The following FAP variants were observed in gnomAD, a reference collection of about 807,000 sequenced individuals.
FAP encodes prolyl endopeptidase FAP.
A neutral mutation model predicts 126.5 loss-of-function variants in FAP; 110 were observed. That is an observed-to-expected ratio of 0.87 (90% confidence interval 0.74 to 1.02). The LOEUF (loss-of-function observed/expected upper bound fraction) is 1.02. Ranked by LOEUF, FAP falls within the 50% of genes least tolerant of loss-of-function variation. FAP has a pLI of 0.00. For missense variants in FAP, 919 were observed against 909.2 expected, an observed-to-expected ratio of 1.01 and a Z score of -0.14; for synonymous variants, 334 against 297.3, an observed-to-expected ratio of 1.12 and a Z score of -1.27.
intron 12 of FAP, 115 bp from the exon 13 acceptor site, chr2:162,203,260 G>A (rs1252347204): frequency 3.1e-6 from 2 of 636,972 alleles, no homozygotes; most frequent in Admixed American, 5.7e-5. Flanking sequence ...AGAATGTCTC[G>A]CCTCCTCTGT....
At chr2:162,189,235 C>T (rs1559766393) in intron 18 of FAP, 63 bp from the exon 19 acceptor site, 6 of 945,354 alleles carry the variant, frequency 6.3e-6, no homozygotes, top group Non-Finnish European at 9.7e-6. Flanking sequence ...CATTTATTGT[C>T]TTTAATAACA....
chr2:162,233,640 T>A (rs1454638658), intron 2 of FAP, among the ~76,000 whole-genome samples: 2 of 152,176 alleles, frequency 1.3e-5, no homozygotes, highest in Non-Finnish European at 2.9e-5. Context: ...AATATATATT[T>A]GCAAATATTT....
At chr2:162,243,205 T>C (rs1690423483) in intron 1 of FAP, 117 bp downstream of exon 1, 4 of 886,828 alleles carry the variant, frequency 4.5e-6, no homozygotes, top group African/African-American at 1.7e-5. Context: ...TCCCAACCCA[T>C]TGAGGAAGTA....
intron 2 of FAP, among the ~76,000 whole-genome samples, chr2:162,235,834 A>G (rs138059202): frequency 1.7e-3 from 262 of 152,148 alleles, no homozygotes; most frequent in African/African-American, 6.2e-3. Flanking sequence ...GAGCTGTAAC[A>G]CTCACTGTGA....
chr2:162,176,155 T>C (rs1240611283), intron 21 of FAP: 1 of 151,916 alleles, frequency 6.6e-6, no homozygotes, highest in Non-Finnish European at 1.5e-5. Context: ...TGAGTGACAG[T>C]GTGAGAAAGA....
At chr2:162,176,510 G>A (rs1687489861) in intron 21 of FAP, 1 of 152,094 alleles carries the variant, frequency 6.6e-6, no homozygotes, top group Admixed American at 6.6e-5. Flanking sequence ...TATTGCAAGT[G>A]AAAATTCTCT....
chr2:162,221,694 C>A, intron 6 of FAP: 1 of 456,650 alleles, frequency 2.2e-6, no homozygotes, highest in Non-Finnish European at 4.4e-6. Flanking sequence ...ATGTCTCAAG[C>A]CATCACAGCT....
At chr2:162,204,372 C>G (rs1688617953) in intron 12 of FAP, among the ~76,000 whole-genome samples, 1 of 152,118 alleles carries the variant, frequency 6.6e-6, no homozygotes, top group South Asian at 2.1e-4. Flanking sequence ...AAATTCATGT[C>G]CACGTGGAGC....
chr2:162,172,002 T>C (rs1410220311), intron 25 of FAP: 1 of 152,134 alleles, frequency 6.6e-6, no homozygotes, highest in Non-Finnish European at 1.5e-5. Context: ...TTTCAAATAC[T>C]AGAACTTATT....
intron 17 of FAP, among the ~76,000 whole-genome samples, chr2:162,191,199 A>T (rs535509619): frequency 6.6e-6 from 1 of 152,266 alleles, no homozygotes; most frequent in East Asian, 1.9e-4. Context: ...AGTGGGAGAC[A>T]GTATCCGGGT....
intron 2 of FAP, among the ~76,000 whole-genome samples, chr2:162,237,190 G>A (rs758347228): frequency 7.2e-5 from 11 of 152,194 alleles, no homozygotes; most frequent in Admixed American, 2.0e-4. Context: ...TTATGAGATC[G>A]TTTTATTACA....
chr2:162,182,906 A>G (rs1452147811), intron 21 of FAP, among the ~76,000 whole-genome samples: 1 of 152,200 alleles, frequency 6.6e-6, no homozygotes, highest in African/African-American at 2.4e-5. Flanking sequence ...ACTTTTCTCC[A>G]GTTAGCACAA....
At chr2:162,182,385 A>C (rs980572072) in intron 21 of FAP, among the ~76,000 whole-genome samples, 1 of 152,210 alleles carries the variant, frequency 6.6e-6, no homozygotes, top group Non-Finnish European at 1.5e-5. Flanking sequence ...ATTATCTGGA[A>C]TATTTCACTA....
At chr2:162,188,846 T>A (rs1337632375) in intron 19 of FAP, among the ~76,000 whole-genome samples, 1 of 152,094 alleles carries the variant, frequency 6.6e-6, no homozygotes, top group East Asian at 1.9e-4. Flanking sequence ...TCAAAGGTAT[T>A]CTGACACATT....
intron 11 of FAP, among the ~76,000 whole-genome samples, chr2:162,212,426 T>C (rs1361895289): frequency 6.6e-6 from 1 of 152,206 alleles, no homozygotes; most frequent in Admixed American, 6.5e-5. Context: ...TTGCCTATGA[T>C]ACTGTATTAA....
intron 18 of FAP, among the ~76,000 whole-genome samples, 174 bp from the exon 19 acceptor site, chr2:162,189,346 A>G (rs1173023656): frequency 6.6e-6 from 1 of 152,026 alleles, no homozygotes; most frequent in African/African-American, 2.4e-5. Context: ...TGTATAAATG[A>G]CTAGAAACCT....
chr2:162,173,613 A>G (rs1687388510), intron 23 of FAP, 110 bp downstream of exon 23: 3 of 756,690 alleles, frequency 4.0e-6, no homozygotes, highest in Admixed American at 2.1e-5. Flanking sequence ...ACAAAAGATG[A>G]TATTTGCTTG....
chr2:162,234,718 C>T (rs981394725), intron 2 of FAP, among the ~76,000 whole-genome samples: 4 of 152,222 alleles, frequency 2.6e-5, no homozygotes, highest in African/African-American at 7.2e-5. Context: ...AGCCCTCACT[C>T]GCTCTGGGTG....
intron 12 of FAP, among the ~76,000 whole-genome samples, chr2:162,206,674 TTTGA>T (rs1201260641): frequency 6.6e-6 from 1 of 152,226 alleles, no homozygotes; most frequent in Non-Finnish European, 1.5e-5. Flanking sequence ...ACTAGTTTCC[TTTGA>T]TTAACTCTTC....
Sources: allele counts gnomAD v4.1 joint callset (sites outside exome capture counted in the v4.1 genomes callset), GRCh38; gene constraint gnomAD v4.1.1; transcripts MANE v1.5; gene names NCBI Gene and HGNC (gene_info 2026-07-23, HGNC 2026-07-21).